The following LEPROTL1 variants were observed in gnomAD, a reference collection of about 807,000 sequenced individuals.
LEPROTL1 encodes leptin receptor overlapping transcript like 1.
Under a neutral mutation model 15.4 loss-of-function variants are expected in LEPROTL1, and 6 were observed. The ratio of observed to expected loss-of-function variants is 0.39; its 90% CI spans 0.21 to 0.77. LEPROTL1 has a LOEUF of 0.77. LEPROTL1 is among the 30% of genes least tolerant of loss of function. LEPROTL1 has a pLI of 0.41. For missense variants in LEPROTL1, 128 were observed against 158.1 expected, an observed-to-expected ratio of 0.81 and a Z score of 1.02; for synonymous variants, 56 against 52.6, an observed-to-expected ratio of 1.06 and a Z score of -0.28.
At chr8:30,102,088 C>T (rs1267198123) in intron 2 of LEPROTL1, 115 bp downstream of exon 2, 18 of 598,662 alleles carry the variant, frequency 3.0e-5, no homozygotes, top group Non-Finnish European at 1.5e-5. Flanking sequence ...GTTCACTTAC[C>T]AAACACATAC....
At chr8:30,105,055 C>T (rs547733941) in intron 3 of LEPROTL1, 8 of 152,420 alleles carry the variant, frequency 5.2e-5, no homozygotes, top group African/African-American at 1.7e-4. Context: ...CATATCAACT[C>T]CCCCAGTGCT....
intron 3 of LEPROTL1, 24 bp downstream of exon 3, chr8:30,104,510 A>G (rs1802527376): frequency 6.7e-7 from 1 of 1,497,120 alleles, no homozygotes; most frequent in South Asian, 1.3e-5. Flanking sequence ...TTCTTCCATT[A>G]ATGATTTTAT....
chr8:30,132,306 T>G, intron 3 of LEPROTL1: 2 of 1,551,724 alleles, frequency 1.3e-6, no homozygotes, highest in Non-Finnish European at 1.7e-6. Context: ...ATACAAGCCG[T>G]CGGAGCCATC....
chr8:30,106,459 G>T lies in LEPROTL1; in HGVS notation c.*597G>T. The T allele has an allele frequency of 1.0e-6, 1 of 985,822 alleles. No homozygotes were observed. Among genetic ancestry groups the T allele is most frequent in the South Asian group, 4.7e-5 (1 of 21,282 alleles). The allele number at this position is 985,822 out of a possible 1,614,324, so 61.1% of individuals were successfully genotyped here. A position where few individuals can be genotyped will look rare whatever the true frequency, so the allele number is the denominator to read the frequency against. On this transcript the variant is annotated 3_prime_UTR_variant, in exon 4 of 4. Coordinates refer to ENST00000321250, the MANE Select transcript of LEPROTL1 (RefSeq NM_015344.3). ...TTAATGCCCATGCCCTCCGTTAAGG[G>T]TTGTTGGTTTTACTGGTAGACAGAT...
chr8:30,120,614 T>A (rs1480675183), intron 3 of LEPROTL1, among the ~76,000 whole-genome samples: 1 of 152,192 alleles, frequency 6.6e-6, no homozygotes, highest in Non-Finnish European at 1.5e-5. Context: ...CACTGCAACC[T>A]TCGCCTCTCC....
chr8:30,132,714 A>T lies in LEPROTL1; in HGVS notation c.394+225A>T. ...CCTGAAATCGCTGGAAGGAGCACAG[A>T]GAGCCTCCCAGGAGAGCAGGGAAAA... On this transcript the variant is annotated intron_variant, in intron 4 of 4. Transcript: ENST00000442880. 2.6e-6 allele frequency: 4 copies of T among 1,551,764 alleles called. No individual in the cohort carries two copies. In the South Asian group the frequency reaches 4.8e-5, roughly 18 times the overall value.
At chr8:30,116,670 C>A (rs528716928) in intron 3 of LEPROTL1, among the ~76,000 whole-genome samples, 1 of 152,280 alleles carries the variant, frequency 6.6e-6, no homozygotes, top group African/African-American at 2.4e-5. Context: ...CCCTGTCTTA[C>A]GTGATAAATG....
chr8:30,125,322 A>G (rs1456867386), intron 3 of LEPROTL1, among the ~76,000 whole-genome samples: 1 of 152,226 alleles, frequency 6.6e-6, no homozygotes, highest in Non-Finnish European at 1.5e-5. Context: ...TTCAGAAAAG[A>G]AAGAGTCAGA....
rs745765899 is a variant in LEPROTL1, at chr8:30,105,837, A to C, written c.371A>C (p.Asp124Ala). Residue 124 changes from aspartate (D) to alanine (A), a missense_variant, in exon 4 of 4, where the codon GAC becomes GCC. Transcript: ENST00000321250. ...TTTTTCTTGGTCTTTGGAAGCAATG[A>C]CGACTTCAGCTGGCAGCAGTGGTGA... ...LGFFLVFGSN[D>A]DFSWQQW 1 of 1,556,918 alleles carries C rather than the reference A, an allele frequency of 6.4e-7. No homozygotes were observed. Among genetic ancestry groups the C allele is most frequent in the East Asian group, 2.4e-5 (1 of 41,894 alleles).
At chr8:30,126,103 A>G (rs1802901146) in intron 3 of LEPROTL1, among the ~76,000 whole-genome samples, 1 of 152,192 alleles carries the variant, frequency 6.6e-6, no homozygotes, top group Non-Finnish European at 1.5e-5. Flanking sequence ...TAATGATTGC[A>G]ATTGGTCATT....
At chr8:30,095,723 C>T (rs917989259) in intron 1 of LEPROTL1, 195 bp downstream of exon 1, 9 of 690,514 alleles carry the variant, frequency 1.3e-5, no homozygotes, top group African/African-American at 7.2e-5. Context: ...CGGACGGTTG[C>T]GACCCCGGCT....
At position 30,106,440 on chromosome 8, in the gene LEPROTL1, C is replaced by A. The variant is rs1196163498; in HGVS notation, c.*578C>A. The A allele has an allele frequency of 3.0e-6, 3 of 985,642 alleles. No homozygotes were observed. In the African/African-American group the frequency reaches 5.2e-5, roughly 17 times the overall value. The allele number at this position is 985,642 out of a possible 1,614,324, so 61.1% of individuals were successfully genotyped here. A position where few individuals can be genotyped will look rare whatever the true frequency, so the allele number is the denominator to read the frequency against. ...ACCTCAGAGGGGCCAAGTGTTAATG[C>A]CCATGCCCTCCGTTAAGGGTTGTTG... On this transcript the variant is annotated 3_prime_UTR_variant, in exon 4 of 4. Coordinates refer to ENST00000321250, the MANE Select transcript of LEPROTL1 (RefSeq NM_015344.3).
intron 3 of LEPROTL1, among the ~76,000 whole-genome samples, chr8:30,115,683 C>G (rs1669707549): frequency 1.3e-5 from 2 of 150,056 alleles, no homozygotes; most frequent in South Asian, 4.2e-4. Context: ...TATAAACAGG[C>G]AATTTCTGAA....
chr8:30,097,894 GTT>G (rs755624149), intron 1 of LEPROTL1, among the ~76,000 whole-genome samples: 3 of 133,500 alleles, frequency 2.2e-5, no homozygotes, highest in Non-Finnish European at 3.3e-5. Context: ...TAGTCCCTTG[GTT>G]TTTTTTTTTT....
chr8:30,104,134 TC>T (rs1012009887), intron 2 of LEPROTL1, among the ~76,000 whole-genome samples, 165 bp from the exon 3 acceptor site: 1 of 152,212 alleles, frequency 6.6e-6, no homozygotes, highest in Admixed American at 6.5e-5. Context: ...ATTTGGGAGT[TC>T]CTCGTGTTGT....
chr8:30,120,271 G>A (rs772656631), intron 3 of LEPROTL1, among the ~76,000 whole-genome samples: 40 of 152,084 alleles, frequency 2.6e-4, no homozygotes, highest in East Asian at 1.9e-4. Context: ...GTTAACAGTT[G>A]CTTCCTCCAT....
chr8:30,106,432 T>G lies in LEPROTL1; in HGVS notation c.*570T>G, dbSNP rs1421095297. The G allele has an allele frequency of 1.0e-6, 1 of 985,644 alleles. No homozygotes were observed. Among genetic ancestry groups the G allele is most frequent in the East Asian group, 1.1e-4 (1 of 8,830 alleles). 61.1% of individuals were successfully genotyped at this position (985,644 alleles called of 1,614,324 possible). A position where few individuals can be genotyped will look rare whatever the true frequency, so the allele number is the denominator to read the frequency against. On this transcript the variant is annotated 3_prime_UTR_variant, in exon 4 of 4. Transcript: ENST00000321250. The stretch of plus-strand genomic sequence containing the variant: ...GCATTTATACCTCAGAGGGGCCAAG[T>G]GTTAATGCCCATGCCCTCCGTTAAG...
Position 30,132,580 on chromosome 8 carries a change from C to T in LEPROTL1, c.394+91C>T, listed in dbSNP as rs957933474. 1.7e-5 allele frequency: 26 copies of T among 1,551,644 alleles called. No homozygotes were observed. The highest frequency in any genetic ancestry group is 3.6e-5 in the South Asian group (3 of 84,066). Reference sequence around the variant, plus strand: ...CAGTCCCGCTCCTGCATCCACCACCCTGCTCACTGCCACGTTTAGGCATTC... The same window carrying T: ...CAGTCCCGCTCCTGCATCCACCACCTTGCTCACTGCCACGTTTAGGCATTC... On this transcript the variant is annotated intron_variant, in intron 4 of 4. Coordinates refer to the LEPROTL1 transcript ENST00000442880.
At chr8:30,115,733 G>T (rs1228733357) in intron 3 of LEPROTL1, among the ~76,000 whole-genome samples, 1 of 151,686 alleles carries the variant, frequency 6.6e-6, no homozygotes, top group African/African-American at 2.4e-5. Context: ...GTGGGAAGGG[G>T]CATTATTCTC....
Sources: gnomAD v4.1 joint callset for allele counts (sites outside exome capture counted in the v4.1 genomes callset) on GRCh38, gnomAD v4.1.1 for gene constraint, MANE v1.5 for transcripts, NCBI Gene and HGNC (gene_info 2026-07-23, HGNC 2026-07-21) for gene names.